The following NRDE2 variants were observed in gnomAD, a reference collection of about 807,000 sequenced individuals.
NRDE2 encodes the protein nuclear exosome regulator NRDE2.
NRDE2 carries 76 observed loss-of-function variants against 124.2 expected under a neutral mutation model. The observed-to-expected ratio is 0.61, with a 90% CI of 0.51 to 0.74. The LOEUF is 0.74. Ranked by LOEUF, NRDE2 falls within the 30% of genes least tolerant of loss-of-function variation. The pLI is 0.00. For missense variants in NRDE2, 1,314 were observed against 1,417.3 expected (o/e 0.93, Z 1.17); for synonymous variants, 489 against 528.1 (o/e 0.93, Z 1.01).
At chr14:90,326,170 T>C (rs1445616362) in intron 1 of NRDE2, among the ~76,000 whole-genome samples, 3 of 151,974 alleles carry the variant, frequency 2.0e-5, no homozygotes, top group East Asian at 3.9e-4. Flanking sequence ...CTCCAGGATC[T>C]AAGGTAAAAT....
At chr14:90,322,800 GAGATGAAA>G (rs774841121) in intron 1 of NRDE2, among the ~76,000 whole-genome samples, 8 of 152,164 alleles carry the variant, frequency 5.3e-5, no homozygotes, top group Non-Finnish European at 4.4e-5. Flanking sequence ...AGAGTTATCT[GAGATGAAA>G]AGATGCTTTA....
intron 1 of NRDE2, among the ~76,000 whole-genome samples, chr14:90,325,880 T>C (rs1249483132): frequency 6.6e-6 from 1 of 152,182 alleles, no homozygotes; most frequent in Non-Finnish European, 1.5e-5. Flanking sequence ...CCCCTCTCAC[T>C]CATTTTGGTA....
Position 90,272,254 on chromosome 14 carries a change from A to G in NRDE2, c.*6082T>C, listed in dbSNP as rs1309707235. On this transcript the variant is annotated 3_prime_UTR_variant, in exon 14 of 14. Coordinates refer to ENST00000354366, the MANE Select transcript of NRDE2 (RefSeq NM_017970.4). The surrounding 1 kb of genome is among the most constrained non-coding windows in gnomAD (Gnocchi z 4.5). ...AAAATGAGTATGTCACTTTCTGAAC[A>G]CACTCTTCTTTCTTACAGGCAATCT... is the stretch of plus-strand genomic sequence containing the variant. The G allele has an allele frequency of 6.2e-7, 1 of 1,600,900 alleles. No individual in the cohort carries two copies. Among genetic ancestry groups the G allele is most frequent in the Non-Finnish European group, 8.5e-7 (1 of 1,177,328 alleles).
At chr14:90,297,495 A>G (rs979320405) in intron 8 of NRDE2, among the ~76,000 whole-genome samples, 1 of 152,190 alleles carries the variant, frequency 6.6e-6, no homozygotes, top group African/African-American at 2.4e-5. Flanking sequence ...ATAAATCTGG[A>G]AAGTATTTGG....
chr14:90,294,683 G>A (rs1335596876), intron 8 of NRDE2, among the ~76,000 whole-genome samples: 1 of 152,128 alleles, frequency 6.6e-6, no homozygotes, highest in Non-Finnish European at 1.5e-5. Flanking sequence ...TGGGGGGAGG[G>A]AGAAGTGAGG....
chr14:90,320,479 G>A (rs1885203185), intron 1 of NRDE2, among the ~76,000 whole-genome samples: 1 of 152,120 alleles, frequency 6.6e-6, no homozygotes, highest in South Asian at 2.1e-4. Context: ...TGACACATGG[G>A]GATTATAGGG....
intron 9 of NRDE2, 77 bp from the exon 10 acceptor site, chr14:90,290,684 A>G (rs776390445): frequency 3.4e-5 from 48 of 1,402,566 alleles, no homozygotes; most frequent in Non-Finnish European, 4.6e-5. Flanking sequence ...CTTTATATGC[A>G]TGTACTAATG....
At chr14:90,300,966 T>G (rs984090214) in intron 7 of NRDE2, among the ~76,000 whole-genome samples, 1 of 131,250 alleles carries the variant, frequency 7.6e-6, no homozygotes, top group Non-Finnish European at 1.6e-5. Flanking sequence ...GGTGGGAGGG[T>G]GAGTCCTCAG....
intron 12 of NRDE2, among the ~76,000 whole-genome samples, chr14:90,282,424 C>T (rs1441846713): frequency 6.6e-6 from 1 of 151,082 alleles, no homozygotes; most frequent in Non-Finnish European, 1.5e-5. Context: ...TGCAGTGAGT[C>T]GTGATAGTGC....
At chr14:90,314,188 A>G (rs1884957644) in intron 3 of NRDE2, among the ~76,000 whole-genome samples, 1 of 152,216 alleles carries the variant, frequency 6.6e-6, no homozygotes, top group African/African-American at 2.4e-5. Context: ...CTCAAGGTCA[A>G]TTAGTAGCTG....
At position 90,272,392 on chromosome 14, in the gene NRDE2, G is replaced by A. The variant is rs1378159347; in HGVS notation, c.*5944C>T. On this transcript the variant is annotated 3_prime_UTR_variant, in exon 14 of 14. Transcript: ENST00000354366. This position sits in a 1 kb window ranked among gnomAD's most constrained non-coding sequence, Gnocchi z 4.5. The stretch of plus-strand genomic sequence containing the variant: ...ATAAGAAACAGGAAGGCACCCCTGA[G>A]GGGCTGTATCTCTAATGAACCATGG... 2 of 1,562,538 alleles carry A rather than the reference G, an allele frequency of 1.3e-6. No individual in the cohort carries two copies. The highest frequency in any genetic ancestry group is 1.7e-6 in the Non-Finnish European group (2 of 1,152,178).
At chr14:90,293,581 C>G (rs1892332966) in intron 8 of NRDE2, among the ~76,000 whole-genome samples, 1 of 152,156 alleles carries the variant, frequency 6.6e-6, no homozygotes, top group Non-Finnish European at 1.5e-5. Context: ...TTTTAAATAG[C>G]CACATGTGGC....
Position 90,272,018 on chromosome 14 carries a change from G to A in NRDE2, c.*6318C>T, listed in dbSNP as rs571485718. ...AGCAATTCTCCTGCCTCAGCCTCCC[G>A]AGTAGCTAGGATTACAGGTGCCTGC... is the stretch of plus-strand genomic sequence containing the variant. On this transcript the variant is annotated 3_prime_UTR_variant, in exon 14 of 14. Transcript: ENST00000354366. This position sits in a 1 kb window ranked among gnomAD's most constrained non-coding sequence, Gnocchi z 4.5. 1.8e-4 allele frequency: 51 copies of A among 288,432 alleles called. No individual in the cohort carries two copies. The highest frequency in any genetic ancestry group is 9.7e-4 in the African/African-American group (42 of 43,166). 17.9% of individuals were successfully genotyped at this position (288,432 alleles called of 1,614,324 possible). A position where few individuals can be genotyped will look rare whatever the true frequency, so the allele number is the denominator to read the frequency against.
intron 11 of NRDE2, among the ~76,000 whole-genome samples, chr14:90,287,913 G>A (rs888701636): frequency 1.1e-4 from 16 of 152,072 alleles, no homozygotes; most frequent in African/African-American, 2.2e-4. Flanking sequence ...TCAGGCTTTC[G>A]TGACGGCTTC....
rs1884446319 is a variant in NRDE2, at chr14:90,302,644, A to C, written c.1411+76T>G. On this transcript the variant is annotated intron_variant, in intron 6 of 13. Coordinates refer to ENST00000354366, the MANE Select transcript of NRDE2 (RefSeq NM_017970.4). ...AGACTTTTTCTAGAATAAATCAAAA[A>C]TAGATCTTCATTTTCAAGTAAAGCC... 4.4e-6 allele frequency: 6 copies of C among 1,374,472 alleles called. No homozygotes were observed. In the South Asian group the frequency reaches 8.9e-5, roughly 20 times the overall value. 85.1% of individuals were successfully genotyped at this position (1,374,472 alleles called of 1,614,324 possible).
At chr14:90,331,805 C>A in intron 1 of NRDE2, 36 bp downstream of exon 1, 3 of 1,610,948 alleles carry the variant, frequency 1.9e-6, no homozygotes, top group Non-Finnish European at 2.5e-6. Flanking sequence ...CTCTTAAGCC[C>A]CCCAGGTGCC....
intron 8 of NRDE2, among the ~76,000 whole-genome samples, chr14:90,293,216 G>A (rs1892321984): frequency 6.6e-6 from 1 of 151,740 alleles, no homozygotes; most frequent in Admixed American, 6.6e-5. Context: ...GTGACTCACT[G>A]GGCACTTGAG....
rs752034051 is a variant in NRDE2, at chr14:90,270,367, G to T, written c.*7969C>A. ...CTGACATCAAGGTGAGAGCCTAGCC[G>T]TGTCAGCTTATTTCTGGGAATGTGG... On this transcript the variant is annotated 3_prime_UTR_variant, in exon 14 of 14. Transcript: ENST00000354366. The T allele has an allele frequency of 1.2e-6, 2 of 1,606,648 alleles. No individual in the cohort carries two copies. The highest frequency in any genetic ancestry group is 2.2e-5 in the East Asian group (1 of 44,746).
chr14:90,329,854 AG>A (rs144123106), intron 1 of NRDE2, among the ~76,000 whole-genome samples: 76 of 150,320 alleles, frequency 5.1e-4, no homozygotes, highest in African/African-American at 1.7e-3. Context: ...AAAAAAAAAA[AG>A]TAAAAGAAAA....
Sources: gnomAD v4.1 joint callset for allele counts (sites outside exome capture counted in the v4.1 genomes callset) on GRCh38, gnomAD v4.1.1 for gene constraint, Gnocchi (gnomAD v3.1) non-coding constraint, MANE v1.5 for transcripts, NCBI Gene and HGNC (gene_info 2026-07-23, HGNC 2026-07-21) for gene names.